ROR2: variants seen among roughly 807,000 people sequenced by gnomAD.
The protein encoded by ROR2 is tyrosine-protein kinase transmembrane receptor ROR2.
ROR2 carries 33 observed loss-of-function variants against 74.9 expected under a neutral mutation model. The ratio of observed to expected loss-of-function variants is 0.44; its 90% CI spans 0.33 to 0.59. The LOEUF is 0.59. ROR2 is among the 20% of genes least tolerant of loss of function. The pLI is 0.02. For synonymous variants in ROR2, 586 were observed against 558.7 expected (o/e 1.05, Z -0.69); for missense variants, 1,216 against 1,313.8 (o/e 0.93, Z 1.15).
intron 1 of ROR2, among the ~76,000 whole-genome samples, chr9:91,820,779 A>T (rs1408682568): frequency 6.6e-6 from 1 of 152,186 alleles, no homozygotes; most frequent in Non-Finnish European, 1.5e-5. Context: ...CATGGGCCCT[A>T]ATCCACTATG....
At chr9:91,814,714 AT>A (rs778178036) in intron 1 of ROR2, among the ~76,000 whole-genome samples, 1 of 152,230 alleles carries the variant, frequency 6.6e-6, no homozygotes, top group Non-Finnish European at 1.5e-5. Flanking sequence ...TCTCTGTAAG[AT>A]AAAAATGACA....
chr9:91,936,701 G>A (rs1831699479), intron 1 of ROR2, among the ~76,000 whole-genome samples: 1 of 152,182 alleles, frequency 6.6e-6, no homozygotes, highest in Admixed American at 6.5e-5. Flanking sequence ...TTAGGAAGCA[G>A]CTCTAATCTT....
intron 1 of ROR2, among the ~76,000 whole-genome samples, chr9:91,925,282 C>A (rs568884705): frequency 1.2e-4 from 19 of 152,280 alleles, no homozygotes; most frequent in Admixed American, 5.2e-4. Flanking sequence ...ACCATCTGCT[C>A]ATCTCATAGA....
At chr9:91,837,141 GTT>G (rs11296952) in intron 1 of ROR2, among the ~76,000 whole-genome samples, 2 of 150,230 alleles carry the variant, frequency 1.3e-5, no homozygotes, top group African/African-American at 4.8e-5. Context: ...ATTGCTTACT[GTT>G]TTTTTTTTTG....
intron 1 of ROR2, among the ~76,000 whole-genome samples, chr9:91,783,824 C>T (rs138564594): frequency 1.3e-5 from 2 of 152,314 alleles, no homozygotes; most frequent in East Asian, 1.9e-4. Context: ...CCCCATTCCA[C>T]GCACATCGTG....
At chr9:91,853,695 C>T (rs1829184575) in intron 1 of ROR2, among the ~76,000 whole-genome samples, 3 of 152,126 alleles carry the variant, frequency 2.0e-5, no homozygotes, top group African/African-American at 4.8e-5. Context: ...ACGTCCCACT[C>T]GACATCCCAC....
chr9:91,865,145 C>G (rs1244101072), intron 1 of ROR2, among the ~76,000 whole-genome samples: 1 of 151,012 alleles, frequency 6.6e-6, no homozygotes, highest in African/African-American at 2.4e-5. Context: ...TTCTACACAG[C>G]AATAAAGAGC....
chr9:91,761,095 G>A lies in ROR2; in HGVS notation c.176-3536C>T, dbSNP rs530264532. Among the ~76,000 whole-genome samples, 33 of 152,228 alleles carry A rather than the reference G, an allele frequency of 2.2e-4. No homozygotes were observed. In the South Asian group the frequency reaches 6.9e-3, roughly 32 times the overall value. ...ACATATCTTTCATCTTACAGTTATG[G>A]GGGTCAAAGTCCTCATATCCATGTG... is the stretch of plus-strand genomic sequence containing the variant. On this transcript the variant is annotated intron_variant, in intron 2 of 8. Coordinates refer to ENST00000375708, the MANE Select transcript of ROR2 (RefSeq NM_004560.4).
chr9:91,824,922 G>T (rs569527465), intron 1 of ROR2, among the ~76,000 whole-genome samples: 1 of 152,170 alleles, frequency 6.6e-6, no homozygotes, highest in African/African-American at 2.4e-5. Flanking sequence ...AGTGAACAGC[G>T]CTGCCCACAG....
chr9:91,830,562 A>G (rs1563987278), intron 1 of ROR2, among the ~76,000 whole-genome samples: 1 of 152,224 alleles, frequency 6.6e-6, no homozygotes, highest in African/African-American at 2.4e-5. Flanking sequence ...CTAACAACAC[A>G]AAACCCAACT....
intron 2 of ROR2, among the ~76,000 whole-genome samples, chr9:91,759,804 A>T (rs1377298411): frequency 2.6e-5 from 4 of 152,192 alleles, no homozygotes; most frequent in Non-Finnish European, 5.9e-5. Flanking sequence ...ACCAGGATAG[A>T]GTCTCACGGA....
intron 1 of ROR2, among the ~76,000 whole-genome samples, chr9:91,786,200 A>AT (rs1826795173): frequency 7.0e-6 from 1 of 143,582 alleles, no homozygotes; most frequent in East Asian, 2.1e-4. Context: ...GGTGGTGTGC[A>AT]TTTGTGAACC....
At chr9:91,782,382 G>C (rs1366648899) in intron 1 of ROR2, among the ~76,000 whole-genome samples, 2 of 151,898 alleles carry the variant, frequency 1.3e-5, no homozygotes, top group African/African-American at 2.4e-5. Flanking sequence ...TTTAATTAAA[G>C]GGAGGGATGT....
intron 1 of ROR2, among the ~76,000 whole-genome samples, chr9:91,915,732 T>C (rs2119442676): frequency 6.6e-6 from 1 of 152,280 alleles, no homozygotes; most frequent in South Asian, 2.1e-4. Context: ...TACAAACCTC[T>C]AGCTAACCAC....
chr9:91,734,906 G>A (rs1824971866), intron 5 of ROR2, among the ~76,000 whole-genome samples: 1 of 152,194 alleles, frequency 6.6e-6, no homozygotes, highest in African/African-American at 2.4e-5. Flanking sequence ...TGGAGGAACA[G>A]AGAGGGCAAG....
chr9:91,724,082 C>T lies in ROR2; in HGVS notation c.2412G>A (p.Met804Ile). ...PPFPQPQFIP[M>I]KGQIRPMVPP... ...GCACCATGGGTCTGATCTGGCCCTT[C>T]ATGGGGATGAACTGGGGCTGTGGGA... The change falls in exon 9 of 9, where the codon ATG (methionine) becomes ATA (isoleucine). Residue 804 changes from methionine (M) to isoleucine (I), a missense_variant. By Grantham distance (10) the Met-to-Ile change is conservative. Transcript: ENST00000375708. The T allele has an allele frequency of 6.2e-7, 1 of 1,611,176 alleles. No homozygotes were observed. Among genetic ancestry groups the T allele is most frequent in the Non-Finnish European group, 8.5e-7 (1 of 1,179,846 alleles).
intron 1 of ROR2, among the ~76,000 whole-genome samples, chr9:91,866,213 G>C (rs996174978): frequency 3.3e-5 from 5 of 150,436 alleles, no homozygotes; most frequent in Admixed American, 2.6e-4. Context: ...TTTGCCTACT[G>C]GGTTCAAGTG....
chr9:91,887,917 G>A (rs1039748112), intron 1 of ROR2, among the ~76,000 whole-genome samples: 2 of 147,238 alleles, frequency 1.4e-5, no homozygotes, highest in African/African-American at 5.1e-5. Context: ...TCAGCCTCCT[G>A]CGTAGCTGGG....
At chr9:91,930,654 A>G (rs1804203299) in intron 1 of ROR2, among the ~76,000 whole-genome samples, 1 of 152,232 alleles carries the variant, frequency 6.6e-6, no homozygotes, top group Non-Finnish European at 1.5e-5. Flanking sequence ...TGAGTTCATC[A>G]TGGGGGCAAG....
Sources: allele counts gnomAD v4.1 joint callset (sites outside exome capture counted in the v4.1 genomes callset), GRCh38; gene constraint gnomAD v4.1.1; transcripts MANE v1.5; gene names NCBI Gene and HGNC (gene_info 2026-07-23, HGNC 2026-07-21).